UNC5D: variants seen among roughly 807,000 people sequenced by gnomAD.
UNC5D encodes the protein unc-5 netrin receptor D, also known as netrin receptor UNC5D.
In UNC5D, 39 loss-of-function variants were observed where a neutral mutation model predicts 105.4. The ratio of observed to expected loss-of-function variants is 0.37; its 90% CI spans 0.29 to 0.48. The LOEUF is 0.48. Among genes scored for constraint, UNC5D ranks in the 20% least tolerant of loss-of-function variants. The pLI is 0.98. For synonymous variants in UNC5D, 452 were observed against 450.4 expected, an observed-to-expected ratio of 1.00 and a Z score of -0.04; for missense variants, 991 against 1,202.4, an observed-to-expected ratio of 0.82 and a Z score of 2.60.
At chr8:35,567,928 C>T (rs1204914746) in intron 2 of UNC5D, among the ~76,000 whole-genome samples, 170 bp from the exon 3 acceptor site, 1 of 152,186 alleles carries the variant, frequency 6.6e-6, no homozygotes, top group African/African-American at 2.4e-5. Flanking sequence ...GCCTACTCAG[C>T]TGTTGAAATT....
chr8:35,392,158 T>C (rs955540837), intron 1 of UNC5D, among the ~76,000 whole-genome samples: 5 of 152,202 alleles, frequency 3.3e-5, no homozygotes, highest in African/African-American at 1.2e-4. Flanking sequence ...ATTTATTTCC[T>C]TGGATTTCTC....
chr8:35,421,163 C>A (rs1170949403), intron 1 of UNC5D, among the ~76,000 whole-genome samples: 1 of 152,140 alleles, frequency 6.6e-6, no homozygotes, highest in Non-Finnish European at 1.5e-5. Flanking sequence ...TCTAAACGTG[C>A]CTCAGTGGTT....
At chr8:35,471,817 G>A (rs1809751372) in intron 1 of UNC5D, among the ~76,000 whole-genome samples, 1 of 152,174 alleles carries the variant, frequency 6.6e-6, no homozygotes, top group African/African-American at 2.4e-5. Context: ...GTGATGTTTG[G>A]TGAGTGTTTA....
intron 4 of UNC5D, among the ~76,000 whole-genome samples, chr8:35,680,585 T>C (rs1367589113): frequency 6.6e-6 from 1 of 152,220 alleles, no homozygotes; most frequent in East Asian, 1.9e-4. Flanking sequence ...TTTCCTAGTT[T>C]GTTGGCCTCG....
At chr8:35,394,018 A>G (rs562297002) in intron 1 of UNC5D, among the ~76,000 whole-genome samples, 3 of 140,318 alleles carry the variant, frequency 2.1e-5, no homozygotes, top group Admixed American at 2.1e-4. Flanking sequence ...TCTCTCTCTC[A>G]CTCGTTTTGG....
At chr8:35,236,700 G>A (rs1318224698) in intron 1 of UNC5D, among the ~76,000 whole-genome samples, 2 of 152,182 alleles carry the variant, frequency 1.3e-5, no homozygotes, top group Non-Finnish European at 2.9e-5. Context: ...GCTCCACCTT[G>A]AGCGAGGACA....
chr8:35,731,273 T>C (rs1424023990), intron 11 of UNC5D, among the ~76,000 whole-genome samples, 177 bp downstream of exon 11: 4 of 151,724 alleles, frequency 2.6e-5, no homozygotes, highest in African/African-American at 4.8e-5. Flanking sequence ...TGGTGATGCA[T>C]GCCTGTAATC....
At chr8:35,311,932 T>C (rs956343776) in intron 1 of UNC5D, among the ~76,000 whole-genome samples, 1 of 152,182 alleles carries the variant, frequency 6.6e-6, no homozygotes, top group Non-Finnish European at 1.5e-5. Flanking sequence ...GCATAATATA[T>C]TTCCATCTGT....
intron 1 of UNC5D, among the ~76,000 whole-genome samples, chr8:35,341,647 A>T (rs536485216): frequency 3.9e-5 from 6 of 152,100 alleles, no homozygotes; most frequent in Non-Finnish European, 5.9e-5. Flanking sequence ...TAATCATGTA[A>T]ATTAGGCAGA....
chr8:35,490,588 T>TTATA (rs764705900), intron 1 of UNC5D, among the ~76,000 whole-genome samples: 9 of 152,142 alleles, frequency 5.9e-5, no homozygotes, highest in Non-Finnish European at 1.2e-4. Flanking sequence ...AATATAGCTT[T>TTATA]TATATATCAA....
chr8:35,544,607 T>G (rs1227631425), intron 1 of UNC5D: 10 of 1,495,372 alleles, frequency 6.7e-6, no homozygotes, highest in Non-Finnish European at 8.0e-6. Context: ...TTTTTTTTTT[T>G]TTTTTTTTTT....
intron 1 of UNC5D, among the ~76,000 whole-genome samples, chr8:35,282,643 C>T (rs1014404505): frequency 1.4e-5 from 2 of 147,808 alleles, no homozygotes; most frequent in African/African-American, 5.0e-5. Context: ...AAATGCTTCC[C>T]GTGTTCTTTA....
chr8:35,236,742 A>T (rs1802498517), intron 1 of UNC5D, among the ~76,000 whole-genome samples: 1 of 152,184 alleles, frequency 6.6e-6, no homozygotes, highest in African/African-American at 2.4e-5. Context: ...AATCCCAAGG[A>T]GTTGTTTTGA....
intron 8 of UNC5D, among the ~76,000 whole-genome samples, chr8:35,720,478 C>G (rs1828515353): frequency 6.6e-6 from 1 of 152,202 alleles, no homozygotes; most frequent in Admixed American, 6.5e-5. Flanking sequence ...CCAAAGTTCC[C>G]TCACTGCTTC....
At chr8:35,544,407 T>C (rs367930884) in intron 1 of UNC5D, 17 of 1,609,174 alleles carry the variant, frequency 1.1e-5, no homozygotes, top group Admixed American at 1.7e-5. Context: ...TAAGTAGGGA[T>C]TGTTTAAAAA....
At position 35,705,978 on chromosome 8, in the gene UNC5D, C is replaced by G. The variant is rs766820727; in HGVS notation, c.1117+17C>G. ...AACCCCAAAGTAAGTTATTTTTCCT[C>G]TTGTGAATATAATTTATTCTCATAT... On this transcript the variant is annotated intron_variant, in intron 8 of 16. Coordinates refer to ENST00000404895, the MANE Select transcript of UNC5D (RefSeq NM_080872.4). 1 of 1,296,384 alleles carries G rather than the reference C, an allele frequency of 7.7e-7. No individual in the cohort carries two copies. Among genetic ancestry groups the G allele is most frequent in the Non-Finnish European group, 1.1e-6 (1 of 918,778 alleles). The allele number at this position is 1,296,384 out of a possible 1,614,324, so 80.3% of individuals were successfully genotyped here. A position where few individuals can be genotyped will look rare whatever the true frequency, so the allele number is the denominator to read the frequency against.
At chr8:35,691,863 G>A (rs1436404716) in intron 7 of UNC5D, among the ~76,000 whole-genome samples, 1 of 152,192 alleles carries the variant, frequency 6.6e-6, no homozygotes, top group Non-Finnish European at 1.5e-5. Flanking sequence ...TGAGGAATAA[G>A]AGAAGCCAGC....
chr8:35,255,646 G>A (rs1389244281), intron 1 of UNC5D: 1 of 152,086 alleles, frequency 6.6e-6, no homozygotes, highest in African/African-American at 2.4e-5. Context: ...GACAACTGTA[G>A]ACACAGAGAA....
intron 1 of UNC5D, among the ~76,000 whole-genome samples, chr8:35,425,443 G>A (rs1437683408): frequency 2.6e-5 from 4 of 152,144 alleles, no homozygotes; most frequent in Non-Finnish European, 5.9e-5. Flanking sequence ...GGTAAATGCT[G>A]ATGTGTAAAC....
Sources: gnomAD v4.1 joint callset for allele counts (sites outside exome capture counted in the v4.1 genomes callset) on GRCh38, gnomAD v4.1.1 for gene constraint, MANE v1.5 for transcripts, NCBI Gene and HGNC (gene_info 2026-07-23, HGNC 2026-07-21) for gene names.